The following RAPGEF1 variants were observed in gnomAD, a reference collection of about 807,000 sequenced individuals.
RAPGEF1 encodes the protein CRK SH3-binding GNRP.
A neutral mutation model predicts 143.3 loss-of-function variants in RAPGEF1; 33 were observed. The ratio of observed to expected loss-of-function variants is 0.23; its 90% CI spans 0.17 to 0.31. The LOEUF is 0.31. Ranked by LOEUF, RAPGEF1 falls within the 10% of genes least tolerant of loss-of-function variation. The probability of loss-of-function intolerance (pLI) is 1.00; values close to 1 mark genes in which losing one functional copy is unlikely to be tolerated. For missense variants in RAPGEF1, 1,199 were observed against 1,645.4 expected (o/e 0.73, Z 4.69); for synonymous variants, 629 against 676.5 (o/e 0.93, Z 1.09).
Position 131,641,131 on chromosome 9 carries a change from G to C in RAPGEF1, c.494+2108C>G, listed in dbSNP as rs1177656065. ...ATCAGTTCTTACCCAGGGTTTGCAA[G>C]TGACCTCCAAGCAGAGCCTGGCTCT... On this transcript the variant is annotated intron_variant, in intron 4 of 26. Transcript: ENST00000683357. This position sits in a 1 kb window ranked among gnomAD's most constrained non-coding sequence, Gnocchi z 4.6. Among the ~76,000 whole-genome samples, 1 of 152,090 alleles carries C rather than the reference G, an allele frequency of 6.6e-6. No homozygotes were observed. Among genetic ancestry groups the C allele is most frequent in the Non-Finnish European group, 1.5e-5 (1 of 68,032 alleles).
chr9:131,646,884 T>C (rs1371737582), intron 3 of RAPGEF1, among the ~76,000 whole-genome samples: 1 of 152,138 alleles, frequency 6.6e-6, no homozygotes, highest in East Asian at 1.9e-4. Context: ...TTGGTTACAA[T>C]GAGAGCACCA....
At chr9:131,612,510 C>T (rs1588440415) in intron 12 of RAPGEF1, among the ~76,000 whole-genome samples, 2 of 152,362 alleles carry the variant, frequency 1.3e-5, no homozygotes. Context: ...ACCAGTCCTG[C>T]TGCTGAGATG....
chr9:131,691,123 A>C (rs1349686368), intron 1 of RAPGEF1, among the ~76,000 whole-genome samples: 1 of 152,224 alleles, frequency 6.6e-6, no homozygotes, highest in Non-Finnish European at 1.5e-5. Flanking sequence ...TTTTGCTGAC[A>C]ACTATGTAAC....
chr9:131,703,518 A>G (rs982154781), intron 1 of RAPGEF1, among the ~76,000 whole-genome samples: 11 of 152,190 alleles, frequency 7.2e-5, no homozygotes, highest in African/African-American at 2.4e-4. Flanking sequence ...AGACTCCTTC[A>G]TCCTCACAAC....
At chr9:131,669,780 G>GA (rs1043579244) in intron 1 of RAPGEF1, among the ~76,000 whole-genome samples, 2 of 152,196 alleles carry the variant, frequency 1.3e-5, no homozygotes, top group African/African-American at 4.8e-5. Flanking sequence ...GAGGTTCTGG[G>GA]AAAATCAGAA....
At chr9:131,594,229 C>A (rs781661645) in intron 17 of RAPGEF1, among the ~76,000 whole-genome samples, 1 of 152,224 alleles carries the variant, frequency 6.6e-6, no homozygotes, top group Non-Finnish European at 1.5e-5. Flanking sequence ...ACTCTCGATG[C>A]GGTCCTGAGC....
chr9:131,637,458 T>C (rs1235656128), intron 5 of RAPGEF1, among the ~76,000 whole-genome samples: 2 of 152,118 alleles, frequency 1.3e-5, no homozygotes, highest in Non-Finnish European at 2.9e-5. Flanking sequence ...TTTAAGTCCT[T>C]TGGGGGTCCT....
Position 131,646,898 on chromosome 9 carries a change from C to T in RAPGEF1, c.315+3231G>A, listed in dbSNP as rs1040301588. On this transcript the variant is annotated intron_variant, in intron 3 of 26. Transcript: ENST00000683357. ...ATTGGTTACAATGAGAGCACCAAAT[C>T]ACCACCTGCCACCAGGCTGTCCGGC... Among the ~76,000 whole-genome samples, 7 of 152,180 alleles carry T rather than the reference C, an allele frequency of 4.6e-5. No individual in the cohort carries two copies. The East Asian group carries it at 1.3e-3, about 29-fold the overall frequency.
intron 15 of RAPGEF1, chr9:131,598,633 A>G (rs1209223176): frequency 2.1e-6 from 1 of 480,824 alleles, no homozygotes; most frequent in African/African-American, 1.9e-5. Flanking sequence ...GCATTTAGGG[A>G]GAGGAGGAGC....
rs929215028 is a variant in RAPGEF1, at chr9:131,638,892, T to G, written c.495-101A>C. On this transcript the variant is annotated intron_variant, in intron 4 of 26. Transcript: ENST00000683357. ...TGACAAGGGTGTGTTTCTCCAACTTTCTTTGTGCAAAATCCATACTGCCTT... is the reference window on the plus strand; with the variant it reads ...TGACAAGGGTGTGTTTCTCCAACTTGCTTTGTGCAAAATCCATACTGCCTT... The G allele has an allele frequency of 7.9e-6, 10 of 1,260,970 alleles. No homozygotes were observed. In the Admixed American group the frequency reaches 9.7e-5, roughly 12 times the overall value. 78.1% of individuals were successfully genotyped at this position (1,260,970 alleles called of 1,614,324 possible).
At chr9:131,664,904 T>G (rs187959096) in intron 1 of RAPGEF1, among the ~76,000 whole-genome samples, 18 of 152,366 alleles carry the variant, frequency 1.2e-4, no homozygotes, top group African/African-American at 3.8e-4. Flanking sequence ...ACTTCTGTTT[T>G]ATCCCTCATT....
At chr9:131,725,029 CAGCTATCTGCA>C (rs1836549796) in intron 1 of RAPGEF1, 1 of 152,264 alleles carries the variant, frequency 6.6e-6, no homozygotes, top group Admixed American at 6.5e-5. Flanking sequence ...GCTACCTGTT[CAGCTATCTGCA>C]AGCTCTATTT....
At chr9:131,727,483 T>G (rs977307777) in intron 1 of RAPGEF1, among the ~76,000 whole-genome samples, 3 of 152,196 alleles carry the variant, frequency 2.0e-5, no homozygotes, top group African/African-American at 7.2e-5. Flanking sequence ...GAAGGAATCC[T>G]GGCTTGCCCC....
chr9:131,582,811 C>A, intron 24 of RAPGEF1, 109 bp from the exon 25 acceptor site: 1 of 894,218 alleles, frequency 1.1e-6, no homozygotes, highest in Middle Eastern at 3.2e-4. Flanking sequence ...CCACCCTCTG[C>A]CCAACTCCAC....
At chr9:131,613,469 C>T (rs1364061670) in intron 12 of RAPGEF1, among the ~76,000 whole-genome samples, 10 of 152,296 alleles carry the variant, frequency 6.6e-5, no homozygotes, top group East Asian at 1.9e-4. Context: ...GGGCCTCTGA[C>T]TGCAGAGGCA....
chr9:131,724,268 C>G (rs1836479074), intron 1 of RAPGEF1, among the ~76,000 whole-genome samples: 1 of 152,130 alleles, frequency 6.6e-6, no homozygotes, highest in Non-Finnish European at 1.5e-5. Flanking sequence ...TATACACATA[C>G]GAAGTAGCAG....
intron 12 of RAPGEF1, among the ~76,000 whole-genome samples, chr9:131,611,613 T>A (rs1958029603): frequency 6.6e-6 from 1 of 152,212 alleles, no homozygotes; most frequent in Non-Finnish European, 1.5e-5. Context: ...ATAGAAAGAT[T>A]TAGTACAGAC....
chr9:131,586,927 A>AACAC (rs1189840305), intron 22 of RAPGEF1, among the ~76,000 whole-genome samples: 1 of 55,360 alleles, frequency 1.8e-5, no homozygotes. Flanking sequence ...CTCCGTCTCA[A>AACAC]ACACACACAC....
At position 131,684,893 on chromosome 9, in the gene RAPGEF1, G is replaced by A. The variant is rs1833209163; in HGVS notation, c.62-33944C>T. On this transcript the variant is annotated intron_variant, in intron 1 of 26. Coordinates refer to ENST00000683357, the MANE Select transcript of RAPGEF1 (RefSeq NM_001377935.1). Reference sequence around the variant, plus strand: ...GCAGCCATGTCGAGACTGATGCTGAGGAGGACCCCAACTGTCATGAGCAAC... The same window carrying A: ...GCAGCCATGTCGAGACTGATGCTGAAGAGGACCCCAACTGTCATGAGCAAC... Among the ~76,000 whole-genome samples the A allele has an allele frequency of 3.3e-5, 5 of 152,296 alleles. No individual in the cohort carries two copies. In the South Asian group the frequency reaches 1.0e-3, roughly 32 times the overall value.
Sources: gnomAD v4.1 joint callset for allele counts (sites outside exome capture counted in the v4.1 genomes callset) on GRCh38, gnomAD v4.1.1 for gene constraint, Gnocchi (gnomAD v3.1) non-coding constraint, MANE v1.5 for transcripts, NCBI Gene and HGNC (gene_info 2026-07-23, HGNC 2026-07-21) for gene names.